Variants in FGF12 observed in about 807,000 individuals in gnomAD.
FGF12 encodes fibroblast growth factor 12B.
Under a neutral mutation model 23.6 loss-of-function variants are expected in FGF12, and 14 were observed. The observed-to-expected ratio is 0.59, with a 90% CI of 0.39 to 0.93. The LOEUF (loss-of-function observed/expected upper bound fraction) is 0.93, where lower values mean the gene tolerates loss of function less well. FGF12 is among the 40% of genes least tolerant of loss of function. FGF12 has a pLI of 0.00. For synonymous variants in FGF12, 62 were observed against 77.3 expected (o/e 0.80, Z 1.04); for missense variants, 175 against 217.8 (o/e 0.80, Z 1.24).
At chr3:192,184,961 T>C (rs76623420) in intron 4 of FGF12, among the ~76,000 whole-genome samples, 2 of 152,372 alleles carry the variant, frequency 1.3e-5, no homozygotes, top group East Asian at 1.9e-4. Flanking sequence ...ATATATCTTA[T>C]CACTTCTCAC....
At chr3:192,174,569 C>T (rs75945797) in intron 4 of FGF12, among the ~76,000 whole-genome samples, 6,358 of 152,180 alleles carry the variant, frequency 0.042, 199 homozygotes, top group Admixed American at 0.057. Context: ...ATAAACTGGA[C>T]GGGAAATCTT....
intron 2 of FGF12, among the ~76,000 whole-genome samples, chr3:192,571,814 T>G (rs946922528): frequency 2.6e-5 from 4 of 152,198 alleles, no homozygotes; most frequent in African/African-American, 9.7e-5. Context: ...CCAGCAGCAA[T>G]CTGGGTGTTC....
chr3:192,330,314 C>A (rs1717041327), intron 4 of FGF12, among the ~76,000 whole-genome samples: 1 of 152,022 alleles, frequency 6.6e-6, no homozygotes, highest in African/African-American at 2.4e-5. Flanking sequence ...GGTCGCACAC[C>A]TTCTGACTTC....
chr3:192,311,927 G>GTCTATCTATCTA (rs35183560), intron 4 of FGF12, among the ~76,000 whole-genome samples: 5,019 of 145,416 alleles, frequency 0.035, 106 homozygotes, highest in Admixed American at 0.038. Flanking sequence ...TTGACTGTCT[G>GTCTATCTATCTA]TCTATCTATC....
At chr3:192,294,403 C>T (rs1714921128) in intron 4 of FGF12, among the ~76,000 whole-genome samples, 1 of 152,074 alleles carries the variant, frequency 6.6e-6, no homozygotes, top group Non-Finnish European at 1.5e-5. Flanking sequence ...AAACTACCAC[C>T]TTAGGAGTTA....
chr3:192,190,795 T>C lies in FGF12; in HGVS notation c.229-20139A>G, dbSNP rs148550422. 4.8e-3 allele frequency among the ~76,000 whole-genome samples: 736 copies of C among 152,248 alleles called. 7 individuals are homozygous for C. Among genetic ancestry groups the C allele is most frequent in the African/African-American group, 0.017 (712 of 41,554 alleles). Reference sequence around the variant, plus strand: ...CGGCCCCAATACTCTTTTTGAATTATTCTTTATAAATCTCAATAGGTCAAC... The same window carrying C: ...CGGCCCCAATACTCTTTTTGAATTACTCTTTATAAATCTCAATAGGTCAAC... On this transcript the variant is annotated intron_variant, in intron 4 of 5. Transcript: ENST00000445105.
chr3:192,228,569 A>G (rs1459451886), intron 4 of FGF12, among the ~76,000 whole-genome samples: 1 of 152,058 alleles, frequency 6.6e-6, no homozygotes, highest in African/African-American at 2.4e-5. Context: ...ATAATGGAAA[A>G]TTTATCACAA....
At chr3:192,197,622 T>G (rs1187180561) in intron 4 of FGF12, among the ~76,000 whole-genome samples, 3 of 152,082 alleles carry the variant, frequency 2.0e-5, no homozygotes, top group Admixed American at 1.3e-4. Context: ...AGGTAACAGA[T>G]GAAGGGAGAA....
intron 2 of FGF12, among the ~76,000 whole-genome samples, chr3:192,649,803 T>G (rs1045413257): frequency 3.3e-5 from 5 of 151,970 alleles, no homozygotes; most frequent in African/African-American, 1.2e-4. Context: ...TCAAGTGATC[T>G]GCCCACCCCT....
chr3:192,223,617 G>A (rs1478200745), intron 4 of FGF12, among the ~76,000 whole-genome samples: 2 of 151,958 alleles, frequency 1.3e-5, no homozygotes, highest in African/African-American at 4.8e-5. Flanking sequence ...ATTATTCACG[G>A]TATCTCATTT....
intron 2 of FGF12, among the ~76,000 whole-genome samples, chr3:192,374,018 C>T (rs921168147): frequency 6.6e-6 from 1 of 152,162 alleles, no homozygotes; most frequent in Non-Finnish European, 1.5e-5. Context: ...AACAGTTTCC[C>T]ATTTACATGT....
chr3:192,595,229 G>A (rs549462123), intron 2 of FGF12, among the ~76,000 whole-genome samples: 1 of 152,010 alleles, frequency 6.6e-6, no homozygotes, highest in Non-Finnish European at 1.5e-5. Flanking sequence ...TCTTTGACAC[G>A]TTCACTGTAT....
intron 4 of FGF12, among the ~76,000 whole-genome samples, chr3:192,306,524 A>T (rs1225796100): frequency 6.6e-6 from 1 of 152,170 alleles, no homozygotes; most frequent in African/African-American, 2.4e-5. Flanking sequence ...AGGCTGAGGC[A>T]GGAGGATTGC....
At chr3:192,663,211 T>C (rs1294320459) in intron 2 of FGF12, among the ~76,000 whole-genome samples, 1 of 152,184 alleles carries the variant, frequency 6.6e-6, no homozygotes, top group South Asian at 2.1e-4. Context: ...TGTCAGGCAG[T>C]TGTCTATAAA....
At chr3:192,715,174 A>G (rs1447719607) in intron 2 of FGF12, among the ~76,000 whole-genome samples, 1 of 152,218 alleles carries the variant, frequency 6.6e-6, no homozygotes, top group Non-Finnish European at 1.5e-5. Context: ...AAAGATGATT[A>G]CAGTAGTCAA....
intron 3 of FGF12, among the ~76,000 whole-genome samples, chr3:192,340,513 A>C (rs1440348614): frequency 6.6e-6 from 1 of 152,196 alleles, no homozygotes; most frequent in African/African-American, 2.4e-5. Flanking sequence ...AATAGAGTCC[A>C]AGTATTTAAT....
At chr3:192,555,835 T>C (rs760936999) in intron 2 of FGF12, among the ~76,000 whole-genome samples, 2 of 151,644 alleles carry the variant, frequency 1.3e-5, no homozygotes, top group Non-Finnish European at 2.9e-5. Flanking sequence ...GTGACATCTA[T>C]AGCATAGTGT....
chr3:192,557,079 T>A (rs1711812769), intron 2 of FGF12, among the ~76,000 whole-genome samples: 1 of 151,828 alleles, frequency 6.6e-6, no homozygotes, highest in Non-Finnish European at 1.5e-5. Context: ...GAGTTTTATG[T>A]CAGTAAATGC....
At chr3:192,499,514 ATATTTTTTTT>A (rs1724064951) in intron 2 of FGF12, among the ~76,000 whole-genome samples, 1 of 43,738 alleles carries the variant, frequency 2.3e-5, no homozygotes, top group Admixed American at 3.2e-4. Context: ...ATATATATAT[ATATTTTTTTT>A]TTTTTTTTTT....
Sources: gnomAD v4.1 joint callset for allele counts (sites outside exome capture counted in the v4.1 genomes callset) on GRCh38, gnomAD v4.1.1 for gene constraint, MANE v1.5 for transcripts, NCBI Gene and HGNC (gene_info 2026-07-23, HGNC 2026-07-21) for gene names.